Variants in CREB5 observed in about 807,000 individuals in gnomAD.
The protein encoded by CREB5 is cAMP responsive element binding protein 5.
A neutral mutation model predicts 57.1 loss-of-function variants in CREB5; 19 were observed. The observed-to-expected ratio is 0.33, with a 90% CI of 0.23 to 0.49. CREB5 has a LOEUF of 0.49. CREB5 is among the 20% of genes least tolerant of loss of function. The probability of loss-of-function intolerance (pLI) is 0.99; values close to 1 mark genes in which losing one functional copy is unlikely to be tolerated. For missense variants in CREB5, 579 were observed against 671.6 expected (o/e 0.86, Z 1.52); for synonymous variants, 238 against 238.3 (o/e 1.00, Z 0.01).
intron 1 of CREB5, among the ~76,000 whole-genome samples, chr7:28,449,884 C>T (rs552260421): frequency 1.3e-5 from 2 of 152,188 alleles, no homozygotes; most frequent in East Asian, 1.9e-4. Context: ...TCCTCTTTCT[C>T]CTATCTCCCT....
At chr7:28,471,389 G>T (rs1459942935) in intron 1 of CREB5, among the ~76,000 whole-genome samples, 9 of 152,030 alleles carry the variant, frequency 5.9e-5, no homozygotes, top group Admixed American at 5.9e-4. Flanking sequence ...CTGTACATGT[G>T]TGGATTCATT....
chr7:28,424,952 G>C (rs545870410), intron 1 of CREB5, among the ~76,000 whole-genome samples: 1 of 152,232 alleles, frequency 6.6e-6, no homozygotes, highest in South Asian at 2.1e-4. Context: ...AGACAACTCA[G>C]TTTAAAATGG....
intron 5 of CREB5, among the ~76,000 whole-genome samples, chr7:28,665,009 C>G (rs1234712029): frequency 6.6e-6 from 1 of 152,118 alleles, no homozygotes; most frequent in East Asian, 1.9e-4. Context: ...AACCACAGGA[C>G]AGTGTGGCAG....
intron 7 of CREB5, among the ~76,000 whole-genome samples, chr7:28,768,573 T>A (rs925364867): frequency 1.3e-5 from 2 of 152,342 alleles, no homozygotes; most frequent in East Asian, 3.9e-4. Flanking sequence ...AGGGAACTTT[T>A]CCTGTCTGAA....
At chr7:28,507,759 C>G (rs746238949) in intron 4 of CREB5, 22 bp downstream of exon 4, 89 of 1,581,024 alleles carry the variant, frequency 5.6e-5, no homozygotes, top group Non-Finnish European at 7.4e-5. Context: ...TGGATGGCCG[C>G]CTTGAGAGGT....
intron 7 of CREB5, among the ~76,000 whole-genome samples, chr7:28,785,654 T>C (rs1334375394): frequency 6.6e-6 from 1 of 152,260 alleles, no homozygotes; most frequent in Non-Finnish European, 1.5e-5. Flanking sequence ...GAATGTTTAC[T>C]GCAGGGTTTT....
chr7:28,690,098 C>G (rs1049417754), intron 5 of CREB5, among the ~76,000 whole-genome samples: 2 of 152,078 alleles, frequency 1.3e-5, no homozygotes, highest in African/African-American at 4.8e-5. Context: ...GGTCTAATGC[C>G]CTTGCCTGTC....
chr7:28,424,197 A>G (rs1048875111), intron 1 of CREB5, among the ~76,000 whole-genome samples: 2 of 152,300 alleles, frequency 1.3e-5, no homozygotes, highest in East Asian at 3.9e-4. Flanking sequence ...TTTTAACTTA[A>G]TTACCTCTAC....
chr7:28,704,580 TC>T (rs903060529), intron 5 of CREB5, among the ~76,000 whole-genome samples: 17 of 152,022 alleles, frequency 1.1e-4, no homozygotes, highest in African/African-American at 2.7e-4. Context: ...CACCTTAGCC[TC>T]CCAAGTAGCT....
intron 4 of CREB5, among the ~76,000 whole-genome samples, chr7:28,551,967 TTCTCTCTTTCTC>T (rs1473064697): frequency 1.4e-5 from 2 of 139,230 alleles, no homozygotes; most frequent in Non-Finnish European, 1.5e-5. Context: ...CTCTTTTTTA[TTCTCTCTTTCTC>T]TCTCTCTTTC....
intron 5 of CREB5, among the ~76,000 whole-genome samples, chr7:28,621,624 C>T (rs535688385): frequency 5.8e-4 from 89 of 152,230 alleles, no homozygotes; most frequent in African/African-American, 1.9e-3. Flanking sequence ...AGATAGAATT[C>T]AACCCCGTTC....
Position 28,718,845 on chromosome 7 carries a change from C to G in CREB5, c.557C>G (p.Pro186Arg). The change falls in exon 6 of 11, where the codon CCT becomes CGT. Residue 186 changes from proline (P) to arginine (R), a missense_variant. Coordinates refer to ENST00000357727, the MANE Select transcript of CREB5 (RefSeq NM_182898.4). ...TCCATGCCTGGGACCCTGCCCAACC[C>G]TACAATGCCAGGATCTTCCGCCGTC... ...PASMPGTLPN[P>R]TMPGSSAVLM... 2 of 1,614,132 alleles carry G rather than the reference C, an allele frequency of 1.2e-6. No homozygotes were observed. Among genetic ancestry groups the G allele is most frequent in the Non-Finnish European group, 1.7e-6 (2 of 1,179,976 alleles).
At chr7:28,429,129 G>A (rs1362428238) in intron 1 of CREB5, among the ~76,000 whole-genome samples, 3 of 152,072 alleles carry the variant, frequency 2.0e-5, no homozygotes, top group African/African-American at 4.8e-5. Flanking sequence ...TGGTTCAAGC[G>A]ATTCTTCCTG....
intron 5 of CREB5, among the ~76,000 whole-genome samples, chr7:28,672,039 T>C (rs866206611): frequency 6.6e-6 from 1 of 152,168 alleles, no homozygotes; most frequent in Non-Finnish European, 1.5e-5. Context: ...TGGTAAATTT[T>C]GTTGTTACGT....
chr7:28,327,081 A>G (rs1271425807), intron 1 of CREB5, among the ~76,000 whole-genome samples: 1 of 149,780 alleles, frequency 6.7e-6, no homozygotes, highest in East Asian at 2.0e-4. Context: ...CCTGGGAGGC[A>G]GAGGTTACAG....
chr7:28,595,910 A>G (rs527958113), intron 5 of CREB5, among the ~76,000 whole-genome samples: 2 of 152,232 alleles, frequency 1.3e-5, no homozygotes, highest in Admixed American at 6.5e-5. Context: ...GCAGACAGAT[A>G]TCATATGCCT....
rs765698094 is a variant in CREB5 at position 28,507,626 on chromosome 7, G to A, written c.180G>A (p.Pro60=). The A allele has an allele frequency of 1.1e-5, 18 of 1,609,592 alleles. No homozygotes were observed. Among genetic ancestry groups the A allele is most frequent in the Admixed American group, 1.7e-5 (1 of 59,814 alleles). ...CGACTCTGTTTTCAGATCAAACTCC[G>A]ACCCCAACGAGATTCCTGAAGAACT... The part of the protein sequence containing the change: ...KTDNMLSDQT[P]TPTRFLKNCE... Residue 60 remains proline, a synonymous_variant, in exon 4 of 11, where the codon CCG becomes CCA. Transcript: ENST00000357727.
chr7:28,349,576 C>T (rs891484394), intron 1 of CREB5, among the ~76,000 whole-genome samples: 26 of 152,060 alleles, frequency 1.7e-4, no homozygotes, highest in Non-Finnish European at 3.1e-4. Flanking sequence ...CACGTTCTTA[C>T]GGCCTATGAA....
intron 1 of CREB5, among the ~76,000 whole-genome samples, chr7:28,384,195 C>T (rs888472389): frequency 5.9e-5 from 9 of 152,116 alleles, no homozygotes; most frequent in African/African-American, 2.2e-4. Flanking sequence ...GGCCAAAGGA[C>T]GAGCGTCTGT....
Sources: gnomAD v4.1 joint callset for allele counts (sites outside exome capture counted in the v4.1 genomes callset) on GRCh38, gnomAD v4.1.1 for gene constraint, MANE v1.5 for transcripts, NCBI Gene and HGNC (gene_info 2026-07-23, HGNC 2026-07-21) for gene names.